The following EYA1 variants were observed in gnomAD, a reference collection of about 807,000 sequenced individuals.
EYA1 encodes protein phosphatase EYA1.
EYA1 carries 16 observed loss-of-function variants against 82.0 expected under a neutral mutation model. That is an observed-to-expected ratio of 0.20 (90% confidence interval 0.13 to 0.30). The LOEUF (loss-of-function observed/expected upper bound fraction) is 0.30, where lower values mean the gene tolerates loss of function less well. Ranked by LOEUF, EYA1 falls within the 10% of genes least tolerant of loss-of-function variation. The probability of loss-of-function intolerance (pLI) is 1.00; values close to 1 mark genes in which losing one functional copy is unlikely to be tolerated. For missense variants in EYA1, 633 were observed against 730.7 expected (o/e 0.87, Z 1.54); for synonymous variants, 261 against 264.4 (o/e 0.99, Z 0.12).
At chr8:71,528,153 A>T (rs1273830026) in intron 2 of EYA1, among the ~76,000 whole-genome samples, 2 of 152,188 alleles carry the variant, frequency 1.3e-5, no homozygotes, top group Non-Finnish European at 2.9e-5. Context: ...AGAGGCAGCC[A>T]GGGGCAATGA....
At chr8:71,247,447 A>T (rs1177858712) in intron 11 of EYA1, among the ~76,000 whole-genome samples, 1 of 152,200 alleles carries the variant, frequency 6.6e-6, no homozygotes, top group African/African-American at 2.4e-5. Flanking sequence ...CAGAGAGGAA[A>T]TAAAGATGCA....
intron 3 of EYA1, among the ~76,000 whole-genome samples, chr8:71,338,366 C>G (rs748681319): frequency 9.2e-5 from 14 of 152,196 alleles, no homozygotes; most frequent in African/African-American, 3.4e-4. Flanking sequence ...GTTTACATGG[C>G]AATTGTGATC....
chr8:71,216,700 T>C lies in EYA1; in HGVS notation c.1352A>G (p.Asn451Ser), dbSNP rs1471693639. The C allele has an allele frequency of 3.1e-6, 5 of 1,614,100 alleles. No homozygotes were observed. Among genetic ancestry groups the C allele is most frequent in the Non-Finnish European group, 4.2e-6 (5 of 1,179,972 alleles). The change falls in exon 14 of 18, where the codon AAT becomes AGT. Residue 451 changes from asparagine to serine, a missense_variant. Physicochemically the swap from Asn to Ser is conservative, Grantham distance 46. Transcript: ENST00000340726. ...VKEIYNTYKN[N>S]VGGLLGPAKR... Reference sequence around the variant, plus strand: ...TGGTGGTAATCACTTGCCTCCAACATTATTTTTGTAGGTGTTGTAGATCTC... The same window carrying C: ...TGGTGGTAATCACTTGCCTCCAACACTATTTTTGTAGGTGTTGTAGATCTC...
intron 12 of EYA1, among the ~76,000 whole-genome samples, chr8:71,218,791 T>G (rs1377766997): frequency 6.6e-6 from 1 of 151,922 alleles, no homozygotes; most frequent in Non-Finnish European, 1.5e-5. Flanking sequence ...ATTTTTATGT[T>G]GTAAAACTTC....
At chr8:71,491,784 G>A (rs1811012918) in intron 2 of EYA1, among the ~76,000 whole-genome samples, 1 of 152,176 alleles carries the variant, frequency 6.6e-6, no homozygotes, top group Non-Finnish European at 1.5e-5. Flanking sequence ...GCAATCCCAA[G>A]TTCAGTTATG....
intron 12 of EYA1, among the ~76,000 whole-genome samples, chr8:71,242,313 TG>T (rs1307078729): frequency 2.6e-5 from 4 of 152,202 alleles, no homozygotes; most frequent in Admixed American, 2.6e-4. Flanking sequence ...ACAGACTAAA[TG>T]AATCTTTCAT....
chr8:71,338,216 G>A (rs1305291010), intron 3 of EYA1, among the ~76,000 whole-genome samples: 2 of 152,238 alleles, frequency 1.3e-5, no homozygotes, highest in Non-Finnish European at 2.9e-5. Flanking sequence ...CACTTCAAGA[G>A]AGCCAAAATT....
At chr8:71,218,210 T>C (rs998895777) in intron 12 of EYA1, among the ~76,000 whole-genome samples, 1 of 152,224 alleles carries the variant, frequency 6.6e-6, no homozygotes, top group Non-Finnish European at 1.5e-5. Flanking sequence ...GAAGGTCTGG[T>C]CATGTTTCAG....
At chr8:71,470,378 G>A (rs534822918) in intron 2 of EYA1, among the ~76,000 whole-genome samples, 19 of 152,180 alleles carry the variant, frequency 1.2e-4, no homozygotes, top group Admixed American at 1.2e-3. Context: ...GAAACAATGA[G>A]GTTTCTCTGA....
rs996638009 is a variant in EYA1 at position 71,361,978 on chromosome 8, T to G, written c.-386A>C. 1.4e-5 allele frequency: 14 copies of G among 985,302 alleles called. 1 individual carries two copies. The East Asian group carries it at 3.4e-4, about 24-fold the overall frequency. 61.0% of individuals were successfully genotyped at this position (985,302 alleles called of 1,614,324 possible). A position where few individuals can be genotyped will look rare whatever the true frequency, so the allele number is the denominator to read the frequency against. On this transcript the variant is annotated 5_prime_UTR_variant, in exon 1 of 18. Coordinates refer to ENST00000340726, the MANE Select transcript of EYA1 (RefSeq NM_000503.6). ...GGAGAGTTTCTACCTCGCCCCAAAC[T>G]CGGAGCCATCAGCTCCCACCGTTCT...
At chr8:71,329,245 C>A (rs1389247639) in intron 4 of EYA1, among the ~76,000 whole-genome samples, 2 of 152,214 alleles carry the variant, frequency 1.3e-5, no homozygotes, top group Non-Finnish European at 2.9e-5. Context: ...TATCTTTTCT[C>A]ACGGTATTAG....
At chr8:71,377,401 C>A (rs1828437347) in intron 2 of EYA1, among the ~76,000 whole-genome samples, 1 of 152,124 alleles carries the variant, frequency 6.6e-6, no homozygotes, top group Non-Finnish European at 1.5e-5. Flanking sequence ...TCAGCCAATC[C>A]ACAGAATCAT....
At chr8:71,282,260 G>A (rs1441384170) in intron 9 of EYA1, among the ~76,000 whole-genome samples, 1 of 152,098 alleles carries the variant, frequency 6.6e-6, no homozygotes. Flanking sequence ...TGACCTGCAG[G>A]TGCACACAAG....
chr8:71,415,257 CTT>C (rs1319724314), intron 2 of EYA1, among the ~76,000 whole-genome samples: 3 of 152,322 alleles, frequency 2.0e-5, no homozygotes, highest in East Asian at 1.9e-4. Context: ...CTCACCAATT[CTT>C]TGTTTGGATA....
intron 2 of EYA1, among the ~76,000 whole-genome samples, chr8:71,432,498 G>C (rs1186977545): frequency 6.6e-6 from 1 of 152,176 alleles, no homozygotes; most frequent in Non-Finnish European, 1.5e-5. Flanking sequence ...AAAAGTCCAA[G>C]ATCAAGGCAT....
At chr8:71,283,854 T>A (rs866268913) in intron 9 of EYA1, among the ~76,000 whole-genome samples, 12 of 152,300 alleles carry the variant, frequency 7.9e-5, no homozygotes, top group Middle Eastern at 3.4e-3. Flanking sequence ...GGGCTTCTTC[T>A]AGGTTTAGGA....
At chr8:71,537,814 A>G (rs1317640463) in intron 1 of EYA1, among the ~76,000 whole-genome samples, 1 of 152,204 alleles carries the variant, frequency 6.6e-6, no homozygotes, top group Non-Finnish European at 1.5e-5. Context: ...AGTTTAAGGT[A>G]TTAAGAATGG....
intron 11 of EYA1, among the ~76,000 whole-genome samples, chr8:71,250,425 C>A (rs1813614602): frequency 6.6e-6 from 1 of 152,198 alleles, no homozygotes; most frequent in Non-Finnish European, 1.5e-5. Context: ...CGCAGCTCCA[C>A]CTCCCTGATC....
At chr8:71,495,062 G>C (rs1213181372) in intron 2 of EYA1, among the ~76,000 whole-genome samples, 1 of 151,616 alleles carries the variant, frequency 6.6e-6, no homozygotes, top group Non-Finnish European at 1.5e-5. Flanking sequence ...TCAAGGCTAA[G>C]GATCTTGCAA....
Sources: gnomAD v4.1 joint callset for allele counts (sites outside exome capture counted in the v4.1 genomes callset) on GRCh38, gnomAD v4.1.1 for gene constraint, MANE v1.5 for transcripts, NCBI Gene and HGNC (gene_info 2026-07-23, HGNC 2026-07-21) for gene names.